RFTN2: variants seen among roughly 807,000 people sequenced by gnomAD.
The protein encoded by RFTN2 is raftlin family member 2.
Under a neutral mutation model 52.7 loss-of-function variants are expected in RFTN2, and 34 were observed. That is an observed-to-expected ratio of 0.64 (90% CI 0.49 to 0.86). The LOEUF is 0.86. Among genes scored for constraint, RFTN2 ranks in the 40% least tolerant of loss-of-function variants. RFTN2 has a pLI of 0.00. For synonymous variants in RFTN2, 203 were observed against 217.7 expected (o/e 0.93, Z 0.59); for missense variants, 536 against 600.1 (o/e 0.89, Z 1.12).
chr2:197,666,769 T>C (rs1471494416), intron 1 of RFTN2, among the ~76,000 whole-genome samples: 1 of 152,212 alleles, frequency 6.6e-6, no homozygotes, highest in Non-Finnish European at 1.5e-5. Context: ...ATAATTCGAG[T>C]ATTTGGTAAC....
intron 7 of RFTN2, among the ~76,000 whole-genome samples, chr2:197,603,860 G>A (rs1327224145): frequency 1.3e-5 from 2 of 152,186 alleles, no homozygotes; most frequent in Non-Finnish European, 2.9e-5. Flanking sequence ...CCGGGAGGTG[G>A]AGGTTGCAGT....
chr2:197,606,284 A>G (rs1387093289), intron 7 of RFTN2, among the ~76,000 whole-genome samples: 1 of 152,176 alleles, frequency 6.6e-6, no homozygotes, highest in Non-Finnish European at 1.5e-5. Context: ...GTCTGCCCCT[A>G]GAGTGGGTAA....
chr2:197,581,650 T>A (rs1173023788), intron 8 of RFTN2, among the ~76,000 whole-genome samples: 1 of 152,218 alleles, frequency 6.6e-6, no homozygotes, highest in Non-Finnish European at 1.5e-5. Context: ...CCAAGGGATA[T>A]CTGGTACCCC....
Position 197,615,964 on chromosome 2 carries a change from T to C in RFTN2, c.1066A>G (p.Thr356Ala), listed in dbSNP as rs779165236. ...WTVIEGCEIK[T>A]DYGPLLHTLA... The stretch of plus-strand genomic sequence containing the variant: ...GTGTGCAGCAGAGGGCCATAATCTG[T>C]TTTGATTTCACATCCCTGCATGAAT... Residue 356 changes from threonine (T) to alanine (A), a missense_variant, in exon 7 of 9, where the codon ACA becomes GCA. By Grantham distance (58) the Thr-to-Ala change is moderately conservative. Transcript: ENST00000295049. 1 of 1,553,854 alleles carries C rather than the reference T, an allele frequency of 6.4e-7. No homozygotes were observed. The highest frequency in any genetic ancestry group is 1.2e-5 in the South Asian group (1 of 84,348).
At position 197,596,073 on chromosome 2, in the gene RFTN2, C is replaced by T; in HGVS notation, c.1155-4G>A. 1.3e-6 allele frequency: 2 copies of T among 1,572,360 alleles called. No individual in the cohort carries two copies. The highest frequency in any genetic ancestry group is 1.1e-5 in the South Asian group (1 of 90,018). On this transcript the variant is annotated splice_polypyrimidine_tract_variant and splice_region_variant and intron_variant, in intron 7 of 8. Transcript: ENST00000295049. ...CTTTGTAGCCAAATTCCCTTCACTG[C>T]AAATTAAAACAATAGTATTAGTATT...
In RFTN2 at chr2:197,584,716, G is replaced by A. The variant is rs114456151; in HGVS notation, c.1233+11275C>T. On this transcript the variant is annotated intron_variant, in intron 8 of 8. Transcript: ENST00000295049. ...CTACCTCTTGCCCTTCTCAGAATCA[G>A]AACGTGTCCTCGAGATGCTACAGAG... is the stretch of plus-strand genomic sequence containing the variant. Among the ~76,000 whole-genome samples the A allele has an allele frequency of 4.7e-3, 719 of 152,256 alleles. 3 individuals carry two copies. Among genetic ancestry groups the A allele is most frequent in the African/African-American group, 0.017 (690 of 41,548 alleles).
intron 2 of RFTN2, among the ~76,000 whole-genome samples, chr2:197,645,675 CAA>C (rs1559362648): frequency 6.6e-6 from 1 of 152,132 alleles, no homozygotes; most frequent in African/African-American, 2.4e-5. Context: ...AAAAGGTTAA[CAA>C]GAGGTCTATC....
At chr2:197,608,561 T>C (rs1286228241) in intron 7 of RFTN2, among the ~76,000 whole-genome samples, 1 of 151,364 alleles carries the variant, frequency 6.6e-6, no homozygotes, top group East Asian at 1.9e-4. Context: ...TGATCTGCCT[T>C]CTTTGGCCTC....
In RFTN2 at chr2:197,570,204, T is replaced by G. The variant is rs1311479865; in HGVS notation, c.*1804A>C. On this transcript the variant is annotated 3_prime_UTR_variant, in exon 9 of 9. Transcript: ENST00000295049. ...ATCCACTAACTCTTGATTATGGAAC[T>G]CAAGTCCATCTAAAAGTCAAAACAA... 3.3e-5 allele frequency: 5 copies of G among 152,178 alleles called. No individual in the cohort carries two copies. Among genetic ancestry groups the G allele is most frequent in the African/African-American group, 4.8e-5 (2 of 41,444 alleles). The allele number at this position is 152,178 out of a possible 1,614,324, so 9.4% of individuals were successfully genotyped here.
At chr2:197,580,636 G>A (rs973525728) in intron 8 of RFTN2, among the ~76,000 whole-genome samples, 8 of 152,176 alleles carry the variant, frequency 5.3e-5, no homozygotes, top group African/African-American at 1.7e-4. Flanking sequence ...CATCACAGAC[G>A]CTTTAGGTAA....
intron 8 of RFTN2, among the ~76,000 whole-genome samples, chr2:197,590,012 TC>T (rs891413213): frequency 2.0e-5 from 3 of 151,624 alleles, no homozygotes; most frequent in African/African-American, 7.3e-5. Flanking sequence ...GCTCCAGCGA[TC>T]CCCCCACCCC....
At chr2:197,629,384 G>A (rs995962923) in intron 5 of RFTN2, among the ~76,000 whole-genome samples, 3 of 151,994 alleles carry the variant, frequency 2.0e-5, no homozygotes, top group African/African-American at 4.8e-5. Context: ...TCATAGGTGG[G>A]AACTGAACAA....
intron 5 of RFTN2, among the ~76,000 whole-genome samples, chr2:197,619,023 C>A (rs2088205511): frequency 6.6e-6 from 1 of 151,326 alleles, no homozygotes; most frequent in Non-Finnish European, 1.5e-5. Context: ...GGTCAGCCCC[C>A]TGCCCGGCCA....
intron 1 of RFTN2, among the ~76,000 whole-genome samples, chr2:197,657,150 T>A (rs2088906312): frequency 6.6e-6 from 1 of 152,230 alleles, no homozygotes. Flanking sequence ...AGGCATGAGC[T>A]ACTATTCCTG....
At chr2:197,619,951 G>T (rs1422175948) in intron 5 of RFTN2, among the ~76,000 whole-genome samples, 1 of 150,688 alleles carries the variant, frequency 6.6e-6, no homozygotes, top group African/African-American at 2.4e-5. Context: ...AAATAGTGTG[G>T]CACAGTGAGA....
intron 8 of RFTN2, among the ~76,000 whole-genome samples, chr2:197,575,414 C>A (rs570598867): frequency 6.6e-6 from 1 of 152,104 alleles, no homozygotes; most frequent in Admixed American, 6.6e-5. Context: ...TGAAGTGGAC[C>A]CTTTCCTTGT....
chr2:197,658,859 A>G (rs1475318096), intron 1 of RFTN2, among the ~76,000 whole-genome samples: 2 of 152,224 alleles, frequency 1.3e-5, no homozygotes, highest in African/African-American at 4.8e-5. Context: ...CATGAAAGAA[A>G]GCATTTTGCA....
chr2:197,635,963 C>A (rs1467040318), intron 3 of RFTN2, among the ~76,000 whole-genome samples: 2 of 131,158 alleles, frequency 1.5e-5, no homozygotes, highest in Non-Finnish European at 3.2e-5. Context: ...TATGGCTAGC[C>A]AGTTTTCCCA....
chr2:197,629,731 A>ATTTT (rs386392250), intron 5 of RFTN2, among the ~76,000 whole-genome samples: 1 of 147,084 alleles, frequency 6.8e-6, no homozygotes, highest in East Asian at 2.0e-4. Flanking sequence ...ATTTTATTTT[A>ATTTT]TTTTTTTTTG....
Sources: allele counts gnomAD v4.1 joint callset (sites outside exome capture counted in the v4.1 genomes callset), GRCh38; gene constraint gnomAD v4.1.1; transcripts MANE v1.5; gene names NCBI Gene and HGNC (gene_info 2026-07-23, HGNC 2026-07-21).